CELF2: variants seen among roughly 807,000 people sequenced by gnomAD.
CELF2 encodes CUG triplet repeat RNA-binding protein 2.
A neutral mutation model predicts 62.6 loss-of-function variants in CELF2; 8 were observed. The ratio of observed to expected loss-of-function variants is 0.13; its 90% CI spans 0.07 to 0.23. The LOEUF is 0.23. Ranked by LOEUF, CELF2 falls within the 10% of genes least tolerant of loss-of-function variation. The pLI, the probability that CELF2 is intolerant of heterozygous loss-of-function variation, is 1.00. For synonymous variants in CELF2, 258 were observed against 250.0 expected, an observed-to-expected ratio of 1.03 and a Z score of -0.30; for missense variants, 333 against 671.0, an observed-to-expected ratio of 0.50 and a Z score of 5.56.
rs2083280814 is a variant in CELF2, at chr10:11,270,006, G to C, written c.619-660G>C. On this transcript the variant is annotated intron_variant, in intron 6 of 12. Transcript: ENST00000633077. This position sits in a 1 kb window ranked among gnomAD's most constrained non-coding sequence, Gnocchi z 5.8. ...GTTTGCACCAGCTCCAGGGATGGCG[G>C]GTAGCACAGGTGTGCTGAGGGAAGA... 6.6e-6 allele frequency among the ~76,000 whole-genome samples: 1 copy of C among 152,144 alleles called. No individual in the cohort carries two copies. The highest frequency in any genetic ancestry group is 2.4e-5 in the African/African-American group (1 of 41,436).
At chr10:11,184,055 A>G (rs995473396) in intron 2 of CELF2, among the ~76,000 whole-genome samples, 2 of 152,178 alleles carry the variant, frequency 1.3e-5, no homozygotes, top group African/African-American at 4.8e-5. Context: ...TTTACATTTT[A>G]GTCTTTGATC....
chr10:10,894,171 G>A (rs1373465466), intron 1 of CELF2, among the ~76,000 whole-genome samples: 1 of 152,104 alleles, frequency 6.6e-6, no homozygotes, highest in African/African-American at 2.4e-5. Flanking sequence ...AAAAAGAATT[G>A]GAAGTAAGCT....
At chr10:10,477,551 C>T in the CELF2 span, among the ~76,000 whole-genome samples, 1 of 152,142 alleles carries the variant, frequency 6.6e-6, no homozygotes. Context: ...ATCACATTTG[C>T]ATCCTCACCC....
intron 1 of CELF2, among the ~76,000 whole-genome samples, chr10:11,115,305 T>G (rs914606625): frequency 6.6e-6 from 1 of 152,246 alleles, no homozygotes; most frequent in Non-Finnish European, 1.5e-5. Context: ...ACTAGCATTT[T>G]ATATCTGGCC....
In CELF2 at chr10:11,117,773, A is replaced by G. The variant is rs1179234932; in HGVS notation, c.75-47713A>G. Among the ~76,000 whole-genome samples, 2 of 152,162 alleles carry G rather than the reference A, an allele frequency of 1.3e-5. No individual in the cohort carries two copies. Among genetic ancestry groups the G allele is most frequent in the Non-Finnish European group, 2.9e-5 (2 of 68,018 alleles). Reference sequence around the variant, plus strand: ...TCTTCCACTGACCCCGGAACTTCCAAAGCATCAGGCTTGGGTCAAATAGGA... The same window carrying G: ...TCTTCCACTGACCCCGGAACTTCCAGAGCATCAGGCTTGGGTCAAATAGGA... On this transcript the variant is annotated intron_variant, in intron 1 of 12. Transcript: ENST00000633077. The surrounding 1 kb of genome is among the most constrained non-coding windows in gnomAD (Gnocchi z 4.1).
chr10:10,765,393 T>C, the CELF2 span, among the ~76,000 whole-genome samples: 48,342 of 152,018 alleles, frequency 0.32, 8,358 homozygotes, highest in East Asian at 0.51. Flanking sequence ...CGAGCAGAGC[T>C]GGTCCTACAG....
chr10:10,733,431 G>T, the CELF2 span, among the ~76,000 whole-genome samples: 1 of 151,896 alleles, frequency 6.6e-6, no homozygotes, highest in Non-Finnish European at 1.5e-5. Context: ...GCCGGAGGAG[G>T]TAGTGAAAAA....
the CELF2 span, among the ~76,000 whole-genome samples, chr10:10,667,266 G>A: frequency 6.6e-6 from 1 of 152,170 alleles, no homozygotes; most frequent in Non-Finnish European, 1.5e-5. Flanking sequence ...AAAAATGTTT[G>A]GGGTCAACTT....
In CELF2 at chr10:11,166,916, C is replaced by T. The variant is rs183620047; in HGVS notation, c.271+1234C>T. Among the ~76,000 whole-genome samples, 337 of 152,326 alleles carry T rather than the reference C, an allele frequency of 2.2e-3. 1 individual carries two copies. Among genetic ancestry groups the T allele is most frequent in the African/African-American group, 7.0e-3 (293 of 41,570 alleles). ...GGGTCTGGCAGGGCTTTGGAAGCCTCTTAAGGAACTGAAGAGCCCCTGGCC... is the reference window on the plus strand; with the variant it reads ...GGGTCTGGCAGGGCTTTGGAAGCCTTTTAAGGAACTGAAGAGCCCCTGGCC... On this transcript the variant is annotated intron_variant, in intron 2 of 12. Coordinates refer to ENST00000633077, the MANE Select transcript of CELF2 (RefSeq NM_001326342.2).
the CELF2 span, among the ~76,000 whole-genome samples, chr10:10,672,432 G>A: frequency 4.7e-5 from 7 of 148,032 alleles, no homozygotes; most frequent in Admixed American, 2.0e-4. Context: ...TTGCATTTAA[G>A]TCTGTGATCC....
chr10:11,216,906 G>A (rs1424298645), intron 2 of CELF2, among the ~76,000 whole-genome samples: 1 of 152,214 alleles, frequency 6.6e-6, no homozygotes, highest in African/African-American at 2.4e-5. Context: ...CATATGTACA[G>A]AACTTTACAT....
chr10:10,704,765 C>G, the CELF2 span, among the ~76,000 whole-genome samples: 2 of 152,056 alleles, frequency 1.3e-5, no homozygotes, highest in African/African-American at 2.4e-5. Flanking sequence ...ACACGTGCTT[C>G]CACCATGGAA....
In CELF2 at chr10:10,923,798, G is replaced by A. The variant is rs186437111; in HGVS notation, c.89+3799G>A. ...TCCATGCCGATCTCTTTATGTTGAAGTGTCCCGGAAACGGGATGTATGGAA... is the reference window on the plus strand; with the variant it reads ...TCCATGCCGATCTCTTTATGTTGAAATGTCCCGGAAACGGGATGTATGGAA... On this transcript the variant is annotated intron_variant, in intron 2 of 13. Coordinates refer to the CELF2 transcript ENST00000636488. The A allele has an allele frequency of 2.0e-3, 307 of 152,344 alleles. 4 individuals carry two copies. Among genetic ancestry groups the A allele is most frequent in the African/African-American group, 7.2e-3 (300 of 41,584 alleles). 9.4% of individuals were successfully genotyped at this position (152,344 alleles called of 1,614,324 possible).
At chr10:10,933,725 C>T (rs1357663412) in intron 2 of CELF2, among the ~76,000 whole-genome samples, 1 of 152,132 alleles carries the variant, frequency 6.6e-6, no homozygotes, top group Non-Finnish European at 1.5e-5. Context: ...GCTTATTTCA[C>T]TTAACATAAT....
chr10:10,666,135 C>T, the CELF2 span, among the ~76,000 whole-genome samples: 2 of 152,194 alleles, frequency 1.3e-5, no homozygotes, highest in Non-Finnish European at 2.9e-5. Context: ...TCCAAATCTA[C>T]TCAGCCTGAG....
chr10:11,218,884 C>T (rs1382456300), intron 3 of CELF2, among the ~76,000 whole-genome samples: 1 of 152,112 alleles, frequency 6.6e-6, no homozygotes, highest in East Asian at 1.9e-4. Context: ...AGTGTTGGGT[C>T]ACATTGTGGA....
intron 1 of CELF2, among the ~76,000 whole-genome samples, chr10:11,138,639 A>G (rs115724116): frequency 0.019 from 2,894 of 152,356 alleles, 92 homozygotes; most frequent in African/African-American, 0.065. Context: ...GTTTACTTTT[A>G]GAAGACTGGG....
the CELF2 span, among the ~76,000 whole-genome samples, chr10:10,615,182 TA>T: frequency 6.6e-6 from 1 of 152,134 alleles, no homozygotes; most frequent in African/African-American, 2.4e-5. Flanking sequence ...TGTATCAAAC[TA>T]GGGGGGAAGT....
At chr10:11,250,778 G>T (rs2076897590) in intron 4 of CELF2, among the ~76,000 whole-genome samples, 1 of 152,190 alleles carries the variant, frequency 6.6e-6, no homozygotes, top group Non-Finnish European at 1.5e-5. Context: ...GCCTTCCCCT[G>T]AGCCCAAGAC....
Sources: allele counts gnomAD v4.1 joint callset (sites outside exome capture counted in the v4.1 genomes callset), GRCh38; gene constraint gnomAD v4.1.1; non-coding constraint Gnocchi (gnomAD v3.1); transcripts MANE v1.5; gene names NCBI Gene and HGNC (gene_info 2026-07-23, HGNC 2026-07-21).